ASXL3: variants seen among roughly 807,000 people sequenced by gnomAD.
ASXL3 encodes the protein putative Polycomb group protein ASXL3.
In ASXL3, 34 loss-of-function variants were observed where a neutral mutation model predicts 170.6. The ratio of observed to expected loss-of-function variants is 0.20; its 90% CI spans 0.15 to 0.27. ASXL3 has a LOEUF of 0.27. ASXL3 is among the 10% of genes least tolerant of loss of function. The pLI is 1.00. For synonymous variants in ASXL3, 1,002 were observed against 989.1 expected (o/e 1.01, Z -0.24); for missense variants, 2,592 against 2,695.3 (o/e 0.96, Z 0.85).
At position 33,578,573 on chromosome 18, in the gene ASXL3, C is replaced by T. The variant is rs1262968835; in HGVS notation, c.-59C>T. ...CTGGGTCATTGTCTCCGCGCCCGAACCCCGAGCACCCCGTGGAATCCCCCA... is the reference window on the plus strand; with the variant it reads ...CTGGGTCATTGTCTCCGCGCCCGAATCCCGAGCACCCCGTGGAATCCCCCA... On this transcript the variant is annotated 5_prime_UTR_variant, in exon 1 of 12. Transcript: ENST00000269197. 2.7e-6 allele frequency: 3 copies of T among 1,129,426 alleles called. No individual in the cohort carries two copies. Among genetic ancestry groups the T allele is most frequent in the Non-Finnish European group, 2.3e-6 (2 of 873,752 alleles). 70.0% of individuals were successfully genotyped at this position (1,129,426 alleles called of 1,614,324 possible).
At chr18:33,726,286 C>T (rs191017667) in intron 8 of ASXL3, among the ~76,000 whole-genome samples, 207 of 152,238 alleles carry the variant, frequency 1.4e-3, no homozygotes, top group Non-Finnish European at 2.4e-3. Context: ...AACCATTTCA[C>T]GCTGCCTCCA....
At chr18:33,624,194 T>C (rs2065562771) in intron 2 of ASXL3, among the ~76,000 whole-genome samples, 1 of 152,046 alleles carries the variant, frequency 6.6e-6, no homozygotes, top group African/African-American at 2.4e-5. Flanking sequence ...ATTTTGGGAC[T>C]CCAATATCAG....
chr18:33,692,870 C>A (rs151241402), intron 8 of ASXL3, among the ~76,000 whole-genome samples: 12 of 152,294 alleles, frequency 7.9e-5, no homozygotes, highest in African/African-American at 2.4e-4. Flanking sequence ...ACTCATGCTG[C>A]CATTGCAAAA....
At chr18:33,675,617 C>G (rs900399383) in intron 7 of ASXL3, among the ~76,000 whole-genome samples, 1 of 152,136 alleles carries the variant, frequency 6.6e-6, no homozygotes, top group African/African-American at 2.4e-5. Context: ...GAAAATTCTT[C>G]TGATTGTCCC....
At chr18:33,600,133 G>T (rs1343941530) in intron 1 of ASXL3, among the ~76,000 whole-genome samples, 2 of 152,098 alleles carry the variant, frequency 1.3e-5, no homozygotes, top group Admixed American at 1.3e-4. Flanking sequence ...GGGTGACTGT[G>T]TTTGCAAACT....
intron 11 of ASXL3, among the ~76,000 whole-genome samples, chr18:33,741,235 T>C (rs2067656297): frequency 6.6e-6 from 1 of 152,116 alleles, no homozygotes; most frequent in Non-Finnish European, 1.5e-5. Context: ...TGCCAGTCTG[T>C]CAAAAGCTTA....
chr18:33,645,272 G>A (rs1330669288), intron 3 of ASXL3, among the ~76,000 whole-genome samples: 1 of 151,936 alleles, frequency 6.6e-6, no homozygotes, highest in African/African-American at 2.4e-5. Flanking sequence ...TTTATGGGGA[G>A]GAGTGTCATG....
intron 1 of ASXL3, among the ~76,000 whole-genome samples, chr18:33,592,728 C>A (rs1214889981): frequency 6.6e-6 from 1 of 152,116 alleles, no homozygotes; most frequent in Non-Finnish European, 1.5e-5. Flanking sequence ...CCCACCTTTA[C>A]TTTTGTTTAT....
intron 11 of ASXL3, among the ~76,000 whole-genome samples, chr18:33,741,451 ATAC>A (rs1372503265): frequency 2.6e-5 from 4 of 152,180 alleles, no homozygotes; most frequent in Non-Finnish European, 4.4e-5. Flanking sequence ...AAAAAGGTAA[ATAC>A]TACAAGAATA....
In ASXL3 at chr18:33,646,233, A is replaced by C; in HGVS notation, c.247-12A>C. ...TCTTCTCCATAAATCATCACTTTTCAAAATAATACAGAAAGAGGAGTCGTC... is the reference window on the plus strand; with the variant it reads ...TCTTCTCCATAAATCATCACTTTTCCAAATAATACAGAAAGAGGAGTCGTC... On this transcript the variant is annotated splice_polypyrimidine_tract_variant and intron_variant, in intron 3 of 11. Coordinates refer to ENST00000269197, the MANE Select transcript of ASXL3 (RefSeq NM_030632.3). 1 of 1,605,556 alleles carries C rather than the reference A, an allele frequency of 6.2e-7. No individual in the cohort carries two copies. Among genetic ancestry groups the C allele is most frequent in the East Asian group, 2.2e-5 (1 of 44,698 alleles).
intron 5 of ASXL3, among the ~76,000 whole-genome samples, chr18:33,664,217 A>T (rs2066220977): frequency 6.6e-6 from 1 of 152,160 alleles, no homozygotes; most frequent in African/African-American, 2.4e-5. Context: ...CTTGCCCAAG[A>T]TCACCCAGCA....
At chr18:33,626,277 T>TA (rs903871597) in intron 2 of ASXL3, among the ~76,000 whole-genome samples, 18 of 151,750 alleles carry the variant, frequency 1.2e-4, no homozygotes, top group Non-Finnish European at 1.8e-4. Context: ...ATTGATCATT[T>TA]AAAAAAAAAT....
chr18:33,617,643 G>A lies in ASXL3; in HGVS notation c.137+9967G>A, dbSNP rs755105088. ...CACTAAGCTATGCAATTATAGCCAC[G>A]AAATGGCCATTTCTTAATATATCTT... On this transcript the variant is annotated intron_variant, in intron 2 of 11. Transcript: ENST00000269197. 2.6e-5 allele frequency among the ~76,000 whole-genome samples: 4 copies of A among 152,088 alleles called. No homozygotes were observed. In the East Asian group the frequency reaches 5.8e-4, roughly 22 times the overall value.
intron 8 of ASXL3, 46 bp from the exon 9 acceptor site, chr18:33,731,922 G>C: frequency 1.3e-6 from 2 of 1,541,464 alleles, no homozygotes. Context: ...CTTTTGCTTT[G>C]ACTTATTCCT....
rs142964374 is a variant in ASXL3, at chr18:33,636,146, T to C, written c.138-8748T>C. Among the ~76,000 whole-genome samples, 575 of 152,272 alleles carry C rather than the reference T, an allele frequency of 3.8e-3. 1 individual carries two copies. The highest frequency in any genetic ancestry group is 6.4e-3 in the Non-Finnish European group (433 of 68,014). ...TAGCCAGAGCAGACATGGGAAACCA[T>C]AGAAGCTTGGTGATTTACTGAGTTG... On this transcript the variant is annotated intron_variant, in intron 2 of 11. Transcript: ENST00000269197.
chr18:33,643,825 T>A (rs922446856), intron 2 of ASXL3, among the ~76,000 whole-genome samples: 1 of 151,888 alleles, frequency 6.6e-6, no homozygotes, highest in African/African-American at 2.4e-5. Flanking sequence ...TCCTAAAGGC[T>A]GTATTGTCTC....
rs977924571 is a variant in ASXL3, at chr18:33,744,072, T to C, written c.4224T>C (p.Val1408=). The C allele has an allele frequency of 1.9e-6, 3 of 1,614,020 alleles. No homozygotes were observed. The highest frequency in any genetic ancestry group is 2.5e-6 in the Non-Finnish European group (3 of 1,179,898). The change falls in exon 12 of 12, where the codon GTT becomes GTC. Residue 1408 remains valine (V), a synonymous_variant. Coordinates refer to ENST00000269197, the MANE Select transcript of ASXL3 (RefSeq NM_030632.3). The part of the protein sequence containing the change: ...SDSVAVTDSL[V]AHPTVAMFTG... The stretch of plus-strand genomic sequence containing the variant: ...CTGTAGCGGTCACAGACTCTCTGGT[T>C]GCACACCCGACCGTCGCAATGTTTA...
Position 33,744,868 on chromosome 18 carries a change from G to A in ASXL3, c.5020G>A (p.Glu1674Lys), listed in dbSNP as rs770577167. ...VALPVKSELH[E>K]ADKGFRMDTE... Reference sequence around the variant, plus strand: ...TCTTCCTGTGAAATCTGAACTTCACGAAGCAGACAAGGGCTTTAGAATGGA... The same window carrying A: ...TCTTCCTGTGAAATCTGAACTTCACAAAGCAGACAAGGGCTTTAGAATGGA... Residue 1674 changes from glutamate to lysine, a missense_variant, in exon 12 of 12, where the codon GAA (glutamate) becomes AAA (lysine). Physicochemically the swap from Glu to Lys is moderately conservative, Grantham distance 56 (BLOSUM62 1). Transcript: ENST00000269197. The A allele has an allele frequency of 8.9e-5, 144 of 1,613,922 alleles. 2 individuals carry two copies. Among genetic ancestry groups the A allele is most frequent in the South Asian group, 6.9e-4 (63 of 91,086 alleles).
chr18:33,623,179 A>G (rs976928150), intron 2 of ASXL3, among the ~76,000 whole-genome samples: 1 of 152,128 alleles, frequency 6.6e-6, no homozygotes, highest in African/African-American at 2.4e-5. Flanking sequence ...CTTTAGCTTC[A>G]ATTAATCACT....
Sources: gnomAD v4.1 joint callset for allele counts (sites outside exome capture counted in the v4.1 genomes callset) on GRCh38, gnomAD v4.1.1 for gene constraint, MANE v1.5 for transcripts, NCBI Gene and HGNC (gene_info 2026-07-23, HGNC 2026-07-21) for gene names.